Variants in DTL observed in about 807,000 individuals in gnomAD.
DTL encodes the protein denticleless E3 ubiquitin protein ligase adapter.
DTL carries 46 observed loss-of-function variants against 87.0 expected under a neutral mutation model. The ratio of observed to expected loss-of-function variants is 0.53; its 90% confidence interval spans 0.42 to 0.68. The LOEUF (loss-of-function observed/expected upper bound fraction) is 0.68. Ranked by LOEUF, DTL falls within the 30% of genes least tolerant of loss-of-function variation. DTL has a pLI of 0.00. For synonymous variants in DTL, 308 were observed against 311.2 expected (o/e 0.99, Z 0.11); for missense variants, 737 against 869.4 (o/e 0.85, Z 1.91).
rs755475278 is a variant in DTL, at chr1:212,102,930, C to A, written c.2183C>A (p.Thr728Lys). 7 of 1,588,738 alleles carry A rather than the reference C, an allele frequency of 4.4e-6. No individual in the cohort carries two copies. Among genetic ancestry groups the A allele is most frequent in the Non-Finnish European group, 6.0e-6 (7 of 1,157,908 alleles). ...GACTTCTGTGGTCCTGAACACTCAA[C>A]AGAATTATAGATTCTAATCTGAGTG... ...QEDFCGPEHS[T>K]EL Residue 728 changes from threonine to lysine, a missense_variant, in exon 15 of 15, where the codon ACA becomes AAA. Thr to Lys is a moderately conservative substitution (Grantham distance 78, BLOSUM62 -1). Transcript: ENST00000366991.
At chr1:212,083,215 AAG>A (rs573488129) in intron 13 of DTL, among the ~76,000 whole-genome samples, 20 of 152,300 alleles carry the variant, frequency 1.3e-4, no homozygotes, top group African/African-American at 4.8e-4. Flanking sequence ...GCGGCAGGCA[AAG>A]AGAGAGATTG....
Position 212,068,687 on chromosome 1 carries a change from G to T in DTL, c.906G>T (p.Gly302=). Residue 302 remains glycine, a synonymous_variant, in exon 10 of 15, where the codon GGG becomes GGT. Transcript: ENST00000366991. ...DDNIYMFNMT[G]LKTSPVAIFN... is the part of the protein sequence containing the mutation. ...ACATCTACATGTTTAATATGACTGG[G>T]TTGAAGACTTCTCCAGGTAAGATAT... The T allele has an allele frequency of 6.2e-7, 1 of 1,605,748 alleles. No homozygotes were observed. Among genetic ancestry groups the T allele is most frequent in the South Asian group, 1.1e-5 (1 of 90,646 alleles).
At chr1:212,099,188 G>A (rs1655537668) in intron 13 of DTL, among the ~76,000 whole-genome samples, 1 of 152,162 alleles carries the variant, frequency 6.6e-6, no homozygotes, top group African/African-American at 2.4e-5. Flanking sequence ...GAGGATGTGT[G>A]CAGAAGTGGA....
chr1:212,039,393 C>T (rs1667575103), intron 1 of DTL, among the ~76,000 whole-genome samples: 1 of 151,836 alleles, frequency 6.6e-6, no homozygotes, highest in Admixed American at 6.6e-5. Context: ...TATTTGATAC[C>T]CAAAAGTTTT....
chr1:212,059,172 A>G (rs948548712), intron 5 of DTL, among the ~76,000 whole-genome samples: 4 of 152,192 alleles, frequency 2.6e-5, no homozygotes, highest in Non-Finnish European at 5.9e-5. Flanking sequence ...AACTCATTCT[A>G]CAAGGCCAGC....
intron 13 of DTL, among the ~76,000 whole-genome samples, chr1:212,097,696 T>C (rs1013861576): frequency 6.6e-6 from 1 of 152,224 alleles, no homozygotes; most frequent in Non-Finnish European, 1.5e-5. Flanking sequence ...AGCTTAATAA[T>C]TGACCTTCTA....
In DTL at chr1:212,047,148, T is replaced by C. The variant is rs537563413; in HGVS notation, c.278-3T>C. 74 of 1,613,814 alleles carry C rather than the reference T, an allele frequency of 4.6e-5. 1 individual carries two copies. Among genetic ancestry groups the C allele is most frequent in the Non-Finnish European group, 4.2e-5 (49 of 1,179,778 alleles). ...TTTCACATTTACCATTTTCTTTGTT[T>C]AGAATGGATGGCTCACTGGAATGCC... On this transcript the variant is annotated splice_polypyrimidine_tract_variant and splice_region_variant and intron_variant, in intron 3 of 14. Coordinates refer to ENST00000366991, the MANE Select transcript of DTL (RefSeq NM_016448.4).
At chr1:212,074,231 TTA>T (rs949598460) in intron 11 of DTL, among the ~76,000 whole-genome samples, 1 of 151,286 alleles carries the variant, frequency 6.6e-6, no homozygotes, top group Non-Finnish European at 1.5e-5. Flanking sequence ...AATTTTTAAA[TTA>T]TATATATACA....
chr1:212,078,160 T>C lies in DTL; in HGVS notation c.1036-13T>C, dbSNP rs115196502. ...TATTGCTTTGCTGACTTGTTTGTTT[T>C]TGATTGGACTAGGTCTCCACACCCT... On this transcript the variant is annotated splice_polypyrimidine_tract_variant and intron_variant, in intron 11 of 14. Transcript: ENST00000366991. 3,194 of 1,545,094 alleles carry C rather than the reference T, an allele frequency of 2.1e-3. 54 individuals carry two copies. In the African/African-American group the frequency reaches 0.038, roughly 18 times the overall value.
At chr1:212,041,846 A>G (rs1172679261) in intron 1 of DTL, among the ~76,000 whole-genome samples, 1 of 152,106 alleles carries the variant, frequency 6.6e-6, no homozygotes, top group Non-Finnish European at 1.5e-5. Flanking sequence ...CAGCTCCTTT[A>G]CAATGATATG....
At chr1:212,057,281 A>G (rs1459829535) in intron 5 of DTL, among the ~76,000 whole-genome samples, 3 of 151,988 alleles carry the variant, frequency 2.0e-5, no homozygotes, top group Non-Finnish European at 4.4e-5. Flanking sequence ...AAGAAACCCC[A>G]TCAGACCTAA....
chr1:212,066,974 G>A, intron 8 of DTL, 89 bp downstream of exon 8: 1 of 1,123,210 alleles, frequency 8.9e-7, no homozygotes, highest in African/African-American at 1.5e-5. Context: ...AATTGAATGT[G>A]TGTGCTTTCA....
At chr1:212,048,937 T>TG (rs61018976) in intron 5 of DTL, among the ~76,000 whole-genome samples, 13 of 146,666 alleles carry the variant, frequency 8.9e-5, no homozygotes, top group African/African-American at 3.3e-4. Flanking sequence ...TTTGTTTGTT[T>TG]TTTGAGACAA....
chr1:212,071,947 T>C (rs141018599), intron 10 of DTL, 154 bp from the exon 11 acceptor site: 2 of 537,456 alleles, frequency 3.7e-6, no homozygotes, highest in South Asian at 3.2e-5. Context: ...TTTCTGCCAA[T>C]GTCTAGTTCC....
chr1:212,066,143 T>C (rs7540968), intron 7 of DTL, among the ~76,000 whole-genome samples: 48,300 of 152,060 alleles, frequency 0.32, 9,052 homozygotes, highest in Middle Eastern at 0.43. Context: ...TTTCTCACTT[T>C]AATGTAATTT....
chr1:212,064,139 G>A (rs1654420541), intron 6 of DTL, among the ~76,000 whole-genome samples: 1 of 151,972 alleles, frequency 6.6e-6, no homozygotes, highest in Non-Finnish European at 1.5e-5. Context: ...CAATCTGCCT[G>A]CCTCAGCCTC....
chr1:212,067,711 C>CT (rs901198845), intron 8 of DTL, among the ~76,000 whole-genome samples: 6 of 152,094 alleles, frequency 3.9e-5, no homozygotes, highest in African/African-American at 1.4e-4. Flanking sequence ...CATAGCAGGT[C>CT]TGTGTTTTCA....
chr1:212,071,129 CT>C (rs2102556792), intron 10 of DTL, among the ~76,000 whole-genome samples: 1 of 152,292 alleles, frequency 6.6e-6, no homozygotes, highest in Admixed American at 6.5e-5. Flanking sequence ...GCCTGCATAG[CT>C]TTTTCCTTTA....
Position 212,103,714 on chromosome 1 carries a change from G to A in DTL, c.*774G>A, listed in dbSNP as rs1045581280. On this transcript the variant is annotated 3_prime_UTR_variant, in exon 15 of 15. Coordinates refer to ENST00000366991, the MANE Select transcript of DTL (RefSeq NM_016448.4). ...AGCCAACCCAACATCACTTTCTACA[G>A]GAGGTTATGATTTTTGCCATTTACT... 1.2e-4 allele frequency: 19 copies of A among 152,086 alleles called. No individual in the cohort carries two copies. The highest frequency in any genetic ancestry group is 4.6e-4 in the African/African-American group (19 of 41,388). 9.4% of individuals were successfully genotyped at this position (152,086 alleles called of 1,614,324 possible).
Sources: gnomAD v4.1 joint callset for allele counts (sites outside exome capture counted in the v4.1 genomes callset) on GRCh38, gnomAD v4.1.1 for gene constraint, MANE v1.5 for transcripts, NCBI Gene and HGNC (gene_info 2026-07-23, HGNC 2026-07-21) for gene names.